The following CENPK variants were observed in gnomAD, a reference collection of about 807,000 sequenced individuals.
The protein encoded by CENPK is SoxLZ/Sox6-binding protein Solt.
Under a neutral mutation model 40.9 loss-of-function variants are expected in CENPK, and 46 were observed. The ratio of observed to expected loss-of-function variants is 1.13; its 90% CI spans 0.89 to 1.44. CENPK has a LOEUF of 1.44. CENPK is among the 40% of genes most tolerant of loss of function. CENPK has a pLI of 0.00. For synonymous variants in CENPK, 107 were observed against 104.4 expected (o/e 1.02, Z -0.15); for missense variants, 288 against 303.5 (o/e 0.95, Z 0.38).
rs1378696125 is a variant in CENPK, at chr5:65,528,513, G to A, written c.536C>T (p.Thr179Ile). The A allele has an allele frequency of 6.2e-7, 1 of 1,604,654 alleles. No homozygotes were observed. The highest frequency in any genetic ancestry group is 1.1e-5 in the South Asian group (1 of 88,512). The change falls in exon 9 of 11, where the codon ACC becomes ATC. Residue 179 changes from threonine to isoleucine, a missense_variant. Thr to Ile is a moderately conservative substitution (Grantham distance 89). Transcript: ENST00000396679. The stretch of plus-strand genomic sequence containing the variant: ...ATGGTCTTCTAGAAACTCGCCCAAG[G>A]TACTCAAGAGTTTCTCCTTATATTC... ...IKEYKEKLLS[T>I]LGEFLEDHFP...
At chr5:65,528,061 G>A (rs888683379) in intron 9 of CENPK, among the ~76,000 whole-genome samples, 1 of 152,112 alleles carries the variant, frequency 6.6e-6, no homozygotes, top group Non-Finnish European at 1.5e-5. Context: ...GCAACTTGGT[G>A]ACATCCCCTC....
At chr5:65,521,679 C>A in intron 9 of CENPK, 151 bp from the exon 10 acceptor site, 1 of 599,836 alleles carries the variant, frequency 1.7e-6, no homozygotes, top group Non-Finnish European at 3.0e-6. Flanking sequence ...CGGTTCACTG[C>A]AACCTCCGCC....
Position 65,563,137 on chromosome 5 carries a change from G to T in CENPK, c.-181C>A, listed in dbSNP as rs1412446096. ...AAACTCCAGGTCGCCTAGGCGCTGC[G>T]CAGGAAGCGCTTGCCAGCCCCGGAC... On this transcript the variant is annotated 5_prime_UTR_variant, in exon 1 of 11. Transcript: ENST00000396679. The T allele has an allele frequency of 2.5e-6, 2 of 787,744 alleles. No homozygotes were observed. The highest frequency in any genetic ancestry group is 3.9e-6 in the Non-Finnish European group (2 of 511,648). The allele number at this position is 787,744 out of a possible 1,614,324, so 48.8% of individuals were successfully genotyped here. A position where few individuals can be genotyped will look rare whatever the true frequency, so the allele number is the denominator to read the frequency against.
At chr5:65,538,726 C>G (rs1747408332) in intron 6 of CENPK, among the ~76,000 whole-genome samples, 1 of 152,192 alleles carries the variant, frequency 6.6e-6, no homozygotes, top group African/African-American at 2.4e-5. Flanking sequence ...TGACTTTCGA[C>G]CTGCACACCA....
intron 5 of CENPK, among the ~76,000 whole-genome samples, chr5:65,543,876 A>G (rs970673138): frequency 1.3e-5 from 2 of 152,260 alleles, no homozygotes; most frequent in Non-Finnish European, 2.9e-5. Flanking sequence ...TGAGCTATGA[A>G]GAAAAAACAG....
intron 6 of CENPK, among the ~76,000 whole-genome samples, chr5:65,530,641 T>C (rs574259142): frequency 6.6e-6 from 1 of 152,312 alleles, no homozygotes; most frequent in South Asian, 2.1e-4. Flanking sequence ...ACATGTATAT[T>C]ACAAACCCTA....
the CENPK span, among the ~76,000 whole-genome samples, chr5:65,508,786 TAAAAA>T: frequency 1.2e-5 from 1 of 86,004 alleles, no homozygotes; most frequent in Non-Finnish European, 2.2e-5. Flanking sequence ...AGACTCCATC[TAAAAA>T]AAAAAAAAAA....
intron 3 of CENPK, 139 bp downstream of exon 3, chr5:65,554,658 A>T: frequency 1.7e-6 from 1 of 595,528 alleles, no homozygotes; most frequent in Non-Finnish European, 3.0e-6. Flanking sequence ...GAATGCTGAT[A>T]GGTCTAAAAG....
intron 9 of CENPK, among the ~76,000 whole-genome samples, chr5:65,526,918 C>A (rs770112107): frequency 6.6e-6 from 1 of 152,044 alleles, no homozygotes; most frequent in South Asian, 2.1e-4. Flanking sequence ...CACGGTGAAA[C>A]CCTGTCTACT....
In CENPK at chr5:65,528,928, G is replaced by C. The variant is rs1240814809; in HGVS notation, c.461C>G (p.Ser154Cys). The C allele has an allele frequency of 6.5e-7, 1 of 1,542,284 alleles. No individual in the cohort carries two copies. Among genetic ancestry groups the C allele is most frequent in the Non-Finnish European group, 8.9e-7 (1 of 1,128,408 alleles). ...SELKNKVETF[S>C]ESRIFNELKT... ...AACATAAAATTAATACCTTGATTCA[G>C]AAAATGTTTCAACCTTATTTTTCAA... The change falls in exon 8 of 11, where the codon TCT (serine) becomes TGT (cysteine). Residue 154 changes from serine (S) to cysteine (C), a missense_variant. Coordinates refer to ENST00000396679, the MANE Select transcript of CENPK (RefSeq NM_022145.5).
At chr5:65,562,639 A>G (rs1187090649) in intron 1 of CENPK, among the ~76,000 whole-genome samples, 1 of 152,180 alleles carries the variant, frequency 6.6e-6, no homozygotes, top group Non-Finnish European at 1.5e-5. Context: ...TTAAAAATGA[A>G]GAAGACAGAT....
At chr5:65,551,199 A>G (rs1219831111) in intron 5 of CENPK, 8 of 385,892 alleles carry the variant, frequency 2.1e-5, no homozygotes, top group Middle Eastern at 8.4e-4. Context: ...GCAATGAGCC[A>G]TGATTGTGCC....
chr5:65,559,618 G>T, intron 2 of CENPK, among the ~76,000 whole-genome samples: 1 of 121,584 alleles, frequency 8.2e-6, no homozygotes, highest in Non-Finnish European at 1.7e-5. Flanking sequence ...GACAGAGCGA[G>T]ACTCCGTCTC....
At chr5:65,496,378 T>A in the CENPK span, among the ~76,000 whole-genome samples, 719 of 152,306 alleles carry the variant, frequency 4.7e-3, 5 homozygotes, top group African/African-American at 0.017. Flanking sequence ...ACAACCTCAA[T>A]AGCCAATAAT....
the CENPK span, among the ~76,000 whole-genome samples, chr5:65,500,525 T>C: frequency 2.6e-5 from 4 of 152,044 alleles, no homozygotes; most frequent in Non-Finnish European, 5.9e-5. Context: ...TGTTTGTTTT[T>C]TTCTTGTAAA....
intron 10 of CENPK, among the ~76,000 whole-genome samples, 184 bp from the exon 11 acceptor site, chr5:65,518,817 A>G (rs1189121838): frequency 6.6e-6 from 1 of 152,202 alleles, no homozygotes; most frequent in African/African-American, 2.4e-5. Context: ...AAAAAGCTTT[A>G]AAGTGAATTT....
chr5:65,547,249 C>G (rs1353815574), intron 5 of CENPK, among the ~76,000 whole-genome samples: 1 of 151,904 alleles, frequency 6.6e-6, no homozygotes, highest in Admixed American at 6.6e-5. Context: ...AAAAATTAGC[C>G]AGGCATGATG....
At chr5:65,531,476 A>C (rs528058501) in intron 6 of CENPK, among the ~76,000 whole-genome samples, 57 of 151,868 alleles carry the variant, frequency 3.8e-4, no homozygotes, top group African/African-American at 1.4e-3. Context: ...CAAAAGCAGT[A>C]ATCAGATGAG....
intron 6 of CENPK, among the ~76,000 whole-genome samples, chr5:65,536,347 C>T (rs1045121886): frequency 2.0e-5 from 3 of 152,266 alleles, no homozygotes; most frequent in South Asian, 4.1e-4. Flanking sequence ...AGCACAGTGG[C>T]TCACGCCTGT....
Sources: gnomAD v4.1 joint callset for allele counts (sites outside exome capture counted in the v4.1 genomes callset) on GRCh38, gnomAD v4.1.1 for gene constraint, MANE v1.5 for transcripts, NCBI Gene and HGNC (gene_info 2026-07-23, HGNC 2026-07-21) for gene names.